SORCS3: variants seen among roughly 807,000 people sequenced by gnomAD.
The protein encoded by SORCS3 is VPS10 domain-containing receptor SorCS3.
A neutral mutation model predicts 146.3 loss-of-function variants in SORCS3; 57 were observed. That is an observed-to-expected ratio of 0.39 (90% CI 0.31 to 0.49). SORCS3 has a LOEUF of 0.49. Ranked by LOEUF, SORCS3 falls within the 20% of genes least tolerant of loss-of-function variation. The probability of loss-of-function intolerance (pLI) is 0.92; values close to 1 mark genes in which losing one functional copy is unlikely to be tolerated. For synonymous variants in SORCS3, 653 were observed against 618.5 expected (o/e 1.06, Z -0.83); for missense variants, 1,341 against 1,575.5 (o/e 0.85, Z 2.52).
At chr10:104,858,321 GT>G (rs1441984322) in intron 2 of SORCS3, among the ~76,000 whole-genome samples, 2 of 151,984 alleles carry the variant, frequency 1.3e-5, no homozygotes, top group African/African-American at 2.4e-5. Context: ...TGTATAAACA[GT>G]TTTTTCCTAT....
chr10:104,822,089 C>G, intron 1 of SORCS3: 1 of 518,438 alleles, frequency 1.9e-6, no homozygotes, highest in Non-Finnish European at 3.9e-6. Context: ...GTCCTGGAGT[C>G]TGACCAGCTC....
At chr10:105,195,305 A>G (rs761189750) in intron 14 of SORCS3, among the ~76,000 whole-genome samples, 2 of 152,102 alleles carry the variant, frequency 1.3e-5, no homozygotes, top group African/African-American at 4.8e-5. Context: ...TTTCAAAATT[A>G]TTATTATCAA....
intron 14 of SORCS3, among the ~76,000 whole-genome samples, chr10:105,184,897 A>G (rs912861172): frequency 2.0e-5 from 3 of 152,202 alleles, no homozygotes; most frequent in Non-Finnish European, 4.4e-5. Flanking sequence ...ACACTATGTT[A>G]TACATCAGAT....
Position 104,977,391 on chromosome 10 carries a change from AG to A in SORCS3, c.856del (p.Ala286ArgfsTer120). 6.2e-7 allele frequency: 1 copy of A among 1,613,874 alleles called. No homozygotes were observed. Among genetic ancestry groups the A allele is most frequent in the Non-Finnish European group, 8.5e-7 (1 of 1,179,876 alleles). On this transcript the variant is annotated frameshift_variant, in exon 4 of 27. Transcript: ENST00000369701. LOFTEE classifies it high-confidence loss of function. ...GCAGCATATTGATCAGCTCAGACGA[AG>A]GGGCGACCTATCAGAAGTATCGGCT... ...ESSILISSDE[G>X]ATYQKYRLTF... is the part of the protein sequence containing the mutation.
intron 3 of SORCS3, among the ~76,000 whole-genome samples, chr10:104,955,014 A>G (rs1195123514): frequency 1.3e-5 from 2 of 152,218 alleles, no homozygotes; most frequent in South Asian, 2.1e-4. Flanking sequence ...TATTAACTAA[A>G]TAACTAAATA....
intron 6 of SORCS3, among the ~76,000 whole-genome samples, chr10:105,098,723 C>T (rs914957864): frequency 5.3e-5 from 8 of 152,160 alleles, no homozygotes; most frequent in African/African-American, 1.7e-4. Flanking sequence ...GAACACCAAA[C>T]AACACAGAAT....
At chr10:104,686,594 A>C (rs975058278) in intron 1 of SORCS3, among the ~76,000 whole-genome samples, 19 of 152,088 alleles carry the variant, frequency 1.2e-4, no homozygotes, top group Non-Finnish European at 1.5e-5. Context: ...AGCCATTTGG[A>C]TTCAGAAGGC....
intron 2 of SORCS3, among the ~76,000 whole-genome samples, chr10:104,907,604 C>G (rs2018919963): frequency 6.6e-6 from 1 of 152,170 alleles, no homozygotes; most frequent in Non-Finnish European, 1.5e-5. Flanking sequence ...AGCAAACCTC[C>G]AATTTTCCGC....
chr10:104,913,548 T>C (rs2018992178), intron 2 of SORCS3, among the ~76,000 whole-genome samples: 1 of 152,168 alleles, frequency 6.6e-6, no homozygotes, highest in African/African-American at 2.4e-5. Flanking sequence ...GTTTGAAATA[T>C]TGATATTTGT....
chr10:105,068,193 C>T (rs1318504805), intron 5 of SORCS3, among the ~76,000 whole-genome samples: 3 of 152,206 alleles, frequency 2.0e-5, no homozygotes, highest in Non-Finnish European at 4.4e-5. Flanking sequence ...GCATCTCCTC[C>T]TTTCCCCAAC....
At chr10:104,971,566 G>C (rs921433895) in intron 3 of SORCS3, among the ~76,000 whole-genome samples, 1 of 152,156 alleles carries the variant, frequency 6.6e-6, no homozygotes, top group Non-Finnish European at 1.5e-5. Context: ...GGAGCTCAAG[G>C]TGCTTGTGGG....
At chr10:105,043,180 G>A (rs777236345) in intron 5 of SORCS3, 52 bp downstream of exon 5, 1 of 1,500,614 alleles carries the variant, frequency 6.7e-7, no homozygotes, top group Non-Finnish European at 9.3e-7. Flanking sequence ...TTATCAAACA[G>A]CGTAGCACTC....
intron 2 of SORCS3, among the ~76,000 whole-genome samples, chr10:104,883,772 T>A (rs1441874289): frequency 2.0e-5 from 3 of 152,162 alleles, no homozygotes; most frequent in African/African-American, 7.2e-5. Flanking sequence ...CTGGGCCAAT[T>A]CAACTTCTTT....
intron 4 of SORCS3, among the ~76,000 whole-genome samples, chr10:105,042,561 A>T (rs958953926): frequency 6.6e-6 from 1 of 152,068 alleles, no homozygotes; most frequent in African/African-American, 2.4e-5. Context: ...ATGGAATAAT[A>T]AGAAGAGTGG....
At chr10:104,685,451 C>T (rs2016033243) in intron 1 of SORCS3, among the ~76,000 whole-genome samples, 1 of 152,140 alleles carries the variant, frequency 6.6e-6, no homozygotes, top group Non-Finnish European at 1.5e-5. Context: ...ATCAGCTCTC[C>T]CTGCCCACCC....
At chr10:105,009,818 G>C (rs931042595) in intron 4 of SORCS3, among the ~76,000 whole-genome samples, 2 of 151,432 alleles carry the variant, frequency 1.3e-5, no homozygotes, top group Admixed American at 6.6e-5. Flanking sequence ...ACAGGGCCCT[G>C]GCTGGGAAGA....
At chr10:104,710,203 A>G (rs11818524) in intron 1 of SORCS3, among the ~76,000 whole-genome samples, 35,251 of 152,064 alleles carry the variant, frequency 0.23, 4,260 homozygotes, top group South Asian at 0.34. Context: ...CAGAGCTGAG[A>G]CCTGAGTCTG....
intron 2 of SORCS3, among the ~76,000 whole-genome samples, chr10:104,875,133 G>C (rs1171909110): frequency 6.6e-6 from 1 of 152,164 alleles, no homozygotes; most frequent in African/African-American, 2.4e-5. Flanking sequence ...TCAAAGAAAG[G>C]AATCAAGCCT....
intron 1 of SORCS3, chr10:104,665,236 A>C (rs919484089): frequency 6.6e-6 from 1 of 152,308 alleles, no homozygotes; most frequent in African/African-American, 2.4e-5. Flanking sequence ...AAGTTAGTTC[A>C]TAAATAATGA....
Sources: allele counts gnomAD v4.1 joint callset (sites outside exome capture counted in the v4.1 genomes callset), GRCh38; gene constraint gnomAD v4.1.1; transcripts MANE v1.5; gene names NCBI Gene and HGNC (gene_info 2026-07-23, HGNC 2026-07-21).